Variants in CDH13 observed in about 807,000 individuals in gnomAD.
CDH13 encodes the protein cadherin 13.
CDH13 carries 24 observed loss-of-function variants against 63.8 expected under a neutral mutation model. That is an observed-to-expected ratio of 0.38 (90% CI 0.27 to 0.53). The LOEUF (loss-of-function observed/expected upper bound fraction) is 0.53, where lower values mean the gene tolerates loss of function less well. CDH13 is among the 20% of genes least tolerant of loss of function. The pLI, the probability that CDH13 is intolerant of heterozygous loss-of-function variation, is 0.85. For missense variants in CDH13, 1,049 were observed against 903.1 expected (o/e 1.16, Z -2.07); for synonymous variants, 503 against 355.3 (o/e 1.42, Z -4.67).
intron 5 of CDH13, among the ~76,000 whole-genome samples, chr16:83,252,101 A>ATG (rs1326134503): frequency 6.5e-5 from 2 of 30,676 alleles, no homozygotes; most frequent in Non-Finnish European, 1.5e-4. Flanking sequence ...ATGTATATAT[A>ATG]TATTATACAC....
chr16:83,146,550 T>C (rs2036759178), intron 4 of CDH13, among the ~76,000 whole-genome samples: 1 of 152,230 alleles, frequency 6.6e-6, no homozygotes, highest in South Asian at 2.1e-4. Context: ...ATATCTGTCA[T>C]TTTTTGTTTG....
At chr16:83,318,729 T>C (rs2090157810) in intron 5 of CDH13, among the ~76,000 whole-genome samples, 1 of 152,176 alleles carries the variant, frequency 6.6e-6, no homozygotes, top group Admixed American at 6.5e-5. Context: ...TTTCTGAGTC[T>C]CAGAAGGTCT....
chr16:83,166,867 T>C (rs1225677008), intron 4 of CDH13, among the ~76,000 whole-genome samples: 1 of 152,156 alleles, frequency 6.6e-6, no homozygotes. Flanking sequence ...CACGGAGACA[T>C]TTTTGCAGTG....
Position 83,726,640 on chromosome 16 carries a change from C to A in CDH13, c.1539-21468C>A, listed in dbSNP as rs1468253404. ...CACGAGGTGAGGAGATCAAGACCAT[C>A]CTGGCTAACACGGTGAAACCCCGTC... On this transcript the variant is annotated intron_variant, in intron 10 of 13. Coordinates refer to ENST00000567109, the MANE Select transcript of CDH13 (RefSeq NM_001257.5). Among the ~76,000 whole-genome samples, 7 of 152,270 alleles carry A rather than the reference C, an allele frequency of 4.6e-5. No individual in the cohort carries two copies. The East Asian group carries it at 1.4e-3, about 29-fold the overall frequency.
chr16:83,416,408 T>C (rs1031257609), intron 6 of CDH13, among the ~76,000 whole-genome samples: 4 of 152,252 alleles, frequency 2.6e-5, no homozygotes, highest in African/African-American at 9.6e-5. Context: ...TCCTTCTTTT[T>C]GACTCTCATG....
chr16:83,328,040 G>A (rs1349219630), intron 5 of CDH13, among the ~76,000 whole-genome samples: 5 of 151,856 alleles, frequency 3.3e-5, no homozygotes, highest in African/African-American at 1.2e-4. Context: ...GGCTGGGGCA[G>A]GAGAATGGCG....
At chr16:83,235,309 T>C (rs2040112393) in intron 5 of CDH13, among the ~76,000 whole-genome samples, 1 of 152,130 alleles carries the variant, frequency 6.6e-6, no homozygotes, top group Admixed American at 6.5e-5. Context: ...CAGGTCCGAG[T>C]GCCAATAGTG....
intron 5 of CDH13, among the ~76,000 whole-genome samples, chr16:83,277,363 A>G (rs971796323): frequency 7.9e-5 from 12 of 152,208 alleles, no homozygotes; most frequent in Non-Finnish European, 1.6e-4. Flanking sequence ...AAAAACTCAG[A>G]TGCCTAAACC....
chr16:82,865,279 G>T (rs1233631327), intron 2 of CDH13, among the ~76,000 whole-genome samples: 5 of 152,234 alleles, frequency 3.3e-5, no homozygotes. Flanking sequence ...CTGTGCCCCA[G>T]TGGGGACTCT....
intron 7 of CDH13, among the ~76,000 whole-genome samples, chr16:83,543,109 G>T (rs2075323768): frequency 6.6e-6 from 1 of 152,290 alleles, no homozygotes; most frequent in Admixed American, 6.5e-5. Context: ...CTTGGCGCTT[G>T]GCACATCGTA....
At chr16:82,898,717 T>C (rs1407785881) in intron 2 of CDH13, among the ~76,000 whole-genome samples, 1 of 152,158 alleles carries the variant, frequency 6.6e-6, no homozygotes, top group Non-Finnish European at 1.5e-5. Flanking sequence ...TTTTACCTGA[T>C]GGATGAAGCA....
chr16:82,990,731 A>T (rs1235937762), intron 2 of CDH13, among the ~76,000 whole-genome samples: 1 of 151,714 alleles, frequency 6.6e-6, no homozygotes, highest in Non-Finnish European at 1.5e-5. Flanking sequence ...TTTATTGTAG[A>T]GGTGGGGTCT....
intron 2 of CDH13, among the ~76,000 whole-genome samples, chr16:82,910,469 A>G (rs539113657): frequency 6.6e-6 from 1 of 152,042 alleles, no homozygotes; most frequent in Admixed American, 6.5e-5. Context: ...TTTTTGTATT[A>G]TTTATTCATG....
chr16:82,995,183 A>G (rs1328401895), intron 2 of CDH13, among the ~76,000 whole-genome samples: 1 of 152,182 alleles, frequency 6.6e-6, no homozygotes, highest in Non-Finnish European at 1.5e-5. Flanking sequence ...TCTCCATTCT[A>G]GGGGAAACAT....
At chr16:82,953,909 C>T (rs1294217380) in intron 2 of CDH13, 6 of 152,266 alleles carry the variant, frequency 3.9e-5, no homozygotes, top group South Asian at 2.1e-4. Flanking sequence ...TGCTGAAATG[C>T]TCTGCATGTA....
chr16:83,164,329 C>T (rs1597447659), intron 4 of CDH13, among the ~76,000 whole-genome samples: 1 of 151,914 alleles, frequency 6.6e-6, no homozygotes, highest in Non-Finnish European at 1.5e-5. Context: ...ACACATCACA[C>T]ACCACACATC....
At chr16:83,166,216 T>C (rs933695777) in intron 4 of CDH13, among the ~76,000 whole-genome samples, 4 of 152,126 alleles carry the variant, frequency 2.6e-5, no homozygotes, top group African/African-American at 9.7e-5. Flanking sequence ...CTTGATACTG[T>C]AAGTGAATAA....
At chr16:82,951,565 C>A (rs1240456898) in intron 2 of CDH13, among the ~76,000 whole-genome samples, 7 of 152,164 alleles carry the variant, frequency 4.6e-5, no homozygotes, top group Non-Finnish European at 8.8e-5. Context: ...GAGCTCAGTC[C>A]ATGGCAATGA....
intron 2 of CDH13, among the ~76,000 whole-genome samples, chr16:82,999,564 A>G (rs893579884): frequency 1.3e-5 from 2 of 152,188 alleles, no homozygotes; most frequent in Admixed American, 6.5e-5. Context: ...ATTTTTTCTT[A>G]TCTTATGGTC....
Sources: allele counts gnomAD v4.1 joint callset (sites outside exome capture counted in the v4.1 genomes callset), GRCh38; gene constraint gnomAD v4.1.1; transcripts MANE v1.5; gene names NCBI Gene and HGNC (gene_info 2026-07-23, HGNC 2026-07-21).